The following CORO7 variants were observed in gnomAD, a reference collection of about 807,000 sequenced individuals.
CORO7 encodes coronin-7.
In CORO7, 107 loss-of-function variants were observed where a neutral mutation model predicts 126.6. The observed-to-expected ratio is 0.85, with a 90% CI of 0.72 to 0.99. The LOEUF is 0.99. Among genes scored for constraint, CORO7 ranks in the 50% least tolerant of loss-of-function variants. The pLI, the probability that CORO7 is intolerant of heterozygous loss-of-function variation, is 0.00. For synonymous variants in CORO7, 603 were observed against 536.8 expected (o/e 1.12, Z -1.70); for missense variants, 1,314 against 1,255.8 (o/e 1.05, Z -0.70).
At chr16:4,379,995 T>C (rs1481615968) in intron 9 of CORO7, among the ~76,000 whole-genome samples, 4 of 148,974 alleles carry the variant, frequency 2.7e-5, no homozygotes, top group African/African-American at 9.9e-5. Flanking sequence ...GAGGCAGAGG[T>C]TGCAGTGAGC....
intron 6 of CORO7, among the ~76,000 whole-genome samples, chr16:4,398,530 G>A (rs2055684188): frequency 6.6e-6 from 1 of 152,148 alleles, no homozygotes. Flanking sequence ...GCCGGGCGTG[G>A]TGGCGTGCAC....
intron 6 of CORO7, among the ~76,000 whole-genome samples, chr16:4,398,797 G>A (rs1007876913): frequency 2.6e-5 from 4 of 152,152 alleles, no homozygotes; most frequent in South Asian, 4.1e-4. Context: ...GTGAAACTCC[G>A]TCTCTACTAA....
At chr16:4,408,780 C>T (rs1165324491) in intron 3 of CORO7, among the ~76,000 whole-genome samples, 1 of 152,054 alleles carries the variant, frequency 6.6e-6, no homozygotes, top group Middle Eastern at 3.2e-3. Flanking sequence ...CTGGGCAACA[C>T]GGTGAAACCC....
chr16:4,361,274 C>G (rs1297921025), intron 17 of CORO7, 26 bp from the exon 18 acceptor site: 3 of 1,612,038 alleles, frequency 1.9e-6, no homozygotes, highest in Admixed American at 1.7e-5. Context: ...AGGGGCTCAT[C>G]ATTGCTGAGC....
chr16:4,358,458 TC>T lies in CORO7; in HGVS notation c.2365del (p.Glu789SerfsTer9), dbSNP rs1157706175. On this transcript the variant is annotated frameshift_variant, in exon 24 of 28. Transcript: ENST00000251166. LOFTEE classifies it high-confidence loss of function. ...CAGCTCCACTTCCCGCACGTCGCACTCCGTCTTAGGCAGGAGGACGAGGCCC... is the reference window on the plus strand; with the variant it reads ...CAGCTCCACTTCCCGCACGTCGCACTCGTCTTAGGCAGGAGGACGAGGCCC... ...HKGLVLLPKT[E>X]CDVREVELMR... is the part of the protein sequence containing the mutation. 5.0e-6 allele frequency: 8 copies of T among 1,609,056 alleles called. No individual in the cohort carries two copies. Among genetic ancestry groups the T allele is most frequent in the Non-Finnish European group, 6.8e-6 (8 of 1,177,578 alleles).
intron 6 of CORO7, among the ~76,000 whole-genome samples, chr16:4,402,616 A>C (rs1180615087): frequency 3.9e-5 from 6 of 152,162 alleles, no homozygotes; most frequent in African/African-American, 1.4e-4. Context: ...GCTGGGGCTA[A>C]GGGCGGAACT....
At chr16:4,390,745 G>T (rs879829016) in intron 7 of CORO7, among the ~76,000 whole-genome samples, 1 of 152,194 alleles carries the variant, frequency 6.6e-6, no homozygotes, top group Non-Finnish European at 1.5e-5. Flanking sequence ...ACAGAGAGAC[G>T]AAGCCATGGT....
At chr16:4,388,141 C>T in intron 8 of CORO7, 73 bp from the exon 9 acceptor site, 2 of 1,546,758 alleles carry the variant, frequency 1.3e-6, no homozygotes, top group Middle Eastern at 1.9e-4. Context: ...CCAGGGAAAC[C>T]AGCGCCTGAG....
Position 4,359,572 on chromosome 16 carries a change from C to T in CORO7, c.2158G>A (p.Gly720Arg), listed in dbSNP as rs531731448. Reference sequence around the variant, plus strand: ...TCCAGGCCCAACACTGCCAAGGGTCCGCCGGCCAGGGCCTCAGCTTCATAT... The same window carrying T: ...TCCAGGCCCAACACTGCCAAGGGTCTGCCGGCCAGGGCCTCAGCTTCATAT... ...LLYEAEALAGGPLAVLGLDVA... is the reference protein window; with the variant it reads ...LLYEAEALAGRPLAVLGLDVA... The change falls in exon 22 of 28, where the codon GGA (glycine) becomes AGA (arginine). Residue 720 changes from glycine to arginine, a missense_variant. Coordinates refer to ENST00000251166, the MANE Select transcript of CORO7 (RefSeq NM_024535.5). 1.9e-5 allele frequency: 31 copies of T among 1,612,186 alleles called. No individual in the cohort carries two copies. Among genetic ancestry groups the T allele is most frequent in the Non-Finnish European group, 2.3e-5 (27 of 1,179,138 alleles).
In CORO7 at chr16:4,361,480, TG is replaced by T. The variant is rs755157181; in HGVS notation, c.1579-12del. 6.8e-6 allele frequency: 11 copies of T among 1,610,262 alleles called. No homozygotes were observed. Among genetic ancestry groups the T allele is most frequent in the African/African-American group, 1.3e-5 (1 of 74,826 alleles). The stretch of plus-strand genomic sequence containing the variant: ...GCCAGGCTTCCGTAGCTGTGGGAGG[TG>T]CCCCCACCCCGAGGCCCATCAGTAC... On this transcript the variant is annotated splice_polypyrimidine_tract_variant and intron_variant, in intron 16 of 27. Transcript: ENST00000251166.
chr16:4,364,468 G>A (rs111364252), intron 13 of CORO7, 55 bp from the exon 14 acceptor site: 1 of 1,475,140 alleles, frequency 6.8e-7, no homozygotes, highest in Non-Finnish European at 9.0e-7. Flanking sequence ...GGTCAGGAGG[G>A]CCCCCATGGG....
At chr16:4,405,683 TTTCAGCC>T in intron 5 of CORO7, 116 bp from the exon 6 acceptor site, 1 of 1,281,044 alleles carries the variant, frequency 7.8e-7, no homozygotes. Flanking sequence ...CGAGGGTCCT[TTTCAGCC>T]AAGGGGGCAA....
intron 16 of CORO7, 60 bp downstream of exon 16, chr16:4,361,925 T>G (rs1455499855): frequency 3.2e-6 from 5 of 1,549,814 alleles, no homozygotes; most frequent in Non-Finnish European, 4.4e-6. Context: ...GCTAAGGCCC[T>G]CCGCGTCTTT....
At chr16:4,383,138 C>G in intron 9 of CORO7, 1 of 502,634 alleles carries the variant, frequency 2.0e-6, no homozygotes, top group Non-Finnish European at 3.5e-6. Flanking sequence ...GGACAGTGTC[C>G]GCCCTGCCCT....
intron 9 of CORO7, among the ~76,000 whole-genome samples, chr16:4,384,762 C>T (rs1041962364): frequency 9.2e-5 from 14 of 152,126 alleles, no homozygotes; most frequent in African/African-American, 3.4e-4. Context: ...GCCCCTTCTT[C>T]CTGAGGCAGC....
At chr16:4,379,854 C>A (rs1214740997) in intron 9 of CORO7, among the ~76,000 whole-genome samples, 1 of 146,612 alleles carries the variant, frequency 6.8e-6, no homozygotes, top group Non-Finnish European at 1.5e-5. Context: ...ACCAACCTGA[C>A]CAACATGGTG....
chr16:4,375,707 C>T (rs989236498), intron 9 of CORO7, among the ~76,000 whole-genome samples: 2 of 152,240 alleles, frequency 1.3e-5, no homozygotes, highest in Non-Finnish European at 1.5e-5. Flanking sequence ...CCAGGATGGT[C>T]TCGATCTCCT....
intron 9 of CORO7, 147 bp downstream of exon 9, chr16:4,387,839 T>C: frequency 1.0e-6 from 1 of 967,702 alleles, no homozygotes; most frequent in Non-Finnish European, 1.5e-6. Context: ...GGGCCAGGTG[T>C]CTGTTGCAAG....
intron 9 of CORO7, among the ~76,000 whole-genome samples, chr16:4,370,709 ACGGCTAGACACAG>A (rs1456548792): frequency 6.6e-6 from 1 of 152,288 alleles, no homozygotes; most frequent in South Asian, 2.1e-4. Context: ...TTAGCCCTTG[ACGGCTAGACACAG>A]AGGCCATCCT....
Sources: allele counts gnomAD v4.1 joint callset (sites outside exome capture counted in the v4.1 genomes callset), GRCh38; gene constraint gnomAD v4.1.1; transcripts MANE v1.5; gene names NCBI Gene and HGNC (gene_info 2026-07-23, HGNC 2026-07-21).